Variants in SPECC1L observed in about 807,000 individuals in gnomAD.
SPECC1L encodes the protein cytospin-A.
SPECC1L carries 40 observed loss-of-function variants against 116.8 expected under a neutral mutation model. The observed-to-expected ratio is 0.34, with a 90% CI of 0.27 to 0.45. SPECC1L has a LOEUF of 0.45. Ranked by LOEUF, SPECC1L falls within the 20% of genes least tolerant of loss-of-function variation. The pLI, the probability that SPECC1L is intolerant of heterozygous loss-of-function variation, is 1.00. For synonymous variants in SPECC1L, 504 were observed against 500.6 expected, an observed-to-expected ratio of 1.01 and a Z score of -0.09; for missense variants, 1,110 against 1,373.6, an observed-to-expected ratio of 0.81 and a Z score of 3.03.
chr22:24,354,649 C>A (rs934939213), intron 11 of SPECC1L, among the ~76,000 whole-genome samples: 2 of 150,882 alleles, frequency 1.3e-5, no homozygotes, highest in African/African-American at 4.9e-5. Flanking sequence ...TCAACCATTT[C>A]TTTAAGGAGT....
At chr22:24,327,658 AAAC>A (rs2040857502) in intron 6 of SPECC1L, among the ~76,000 whole-genome samples, 1 of 152,170 alleles carries the variant, frequency 6.6e-6, no homozygotes, top group Non-Finnish European at 1.5e-5. Context: ...ATTAAAAAAA[AAAC>A]AAAAACCTAG....
intron 2 of SPECC1L, among the ~76,000 whole-genome samples, chr22:24,279,462 C>G (rs1392164441): frequency 6.6e-5 from 10 of 152,180 alleles, no homozygotes; most frequent in Non-Finnish European, 7.3e-5. Flanking sequence ...TTCCTGGGCT[C>G]AAGTGATCCC....
At chr22:24,307,795 T>C (rs1311117948) in intron 3 of SPECC1L, among the ~76,000 whole-genome samples, 1 of 151,786 alleles carries the variant, frequency 6.6e-6, no homozygotes, top group African/African-American at 2.4e-5. Flanking sequence ...TGCCTCACCC[T>C]CCCAAAGCCT....
chr22:24,354,924 A>G (rs962933762), intron 11 of SPECC1L, among the ~76,000 whole-genome samples: 1 of 147,400 alleles, frequency 6.8e-6, no homozygotes, highest in Non-Finnish European at 1.5e-5. Context: ...TGCTGGGATT[A>G]CAGGCATAAG....
chr22:24,280,783 T>G lies in SPECC1L; in HGVS notation c.-38+3980T>G, dbSNP rs538917317. Among the ~76,000 whole-genome samples the G allele has an allele frequency of 2.6e-5, 4 of 152,248 alleles. No individual in the cohort carries two copies. The East Asian group carries it at 7.7e-4, about 29-fold the overall frequency. On this transcript the variant is annotated intron_variant, in intron 2 of 16. Transcript: ENST00000314328. ...TTGTAGAGGCGGCGTTTCACCATGT[T>G]GGCCAGGCTGGTCTTGAACTCCTGA... is the stretch of plus-strand genomic sequence containing the variant.
intron 14 of SPECC1L, among the ~76,000 whole-genome samples, chr22:24,384,840 G>A (rs1304356159): frequency 6.6e-6 from 1 of 152,134 alleles, no homozygotes; most frequent in African/African-American, 2.4e-5. Context: ...ACTTTGGGAG[G>A]CCAAGGTGGG....
chr22:24,386,764 C>T lies in SPECC1L; in HGVS notation c.3087+17444C>T, dbSNP rs188916518. On this transcript the variant is annotated intron_variant, in intron 14 of 16. Coordinates refer to ENST00000314328, the MANE Select transcript of SPECC1L (RefSeq NM_015330.6). ...GACTACAGGCGCCCGCCACCACACC[C>T]GGCTAATTTTTTTTGTATTGTTAGT... 4.1e-3 allele frequency among the ~76,000 whole-genome samples: 619 copies of T among 152,088 alleles called. 7 individuals are homozygous for T. Among genetic ancestry groups the T allele is most frequent in the African/African-American group, 0.014 (575 of 41,464 alleles).
intron 11 of SPECC1L, 124 bp from the exon 12 acceptor site, chr22:24,363,136 TC>T (rs1390672541): frequency 2.4e-6 from 2 of 833,804 alleles, no homozygotes; most frequent in Non-Finnish European, 4.0e-6. Context: ...TTGTTGAAGT[TC>T]CCTGGATTGG....
At position 24,398,174 on chromosome 22, in the gene SPECC1L, C is replaced by T. The variant is rs1489146315; in HGVS notation, c.3088-13414C>T. ...GGGCCAAGGGAACACTCTTGTGTTT[C>T]ACACTTTTGTGTTGTAGAAGGTGGA... On this transcript the variant is annotated intron_variant, in intron 14 of 16. Coordinates refer to ENST00000314328, the MANE Select transcript of SPECC1L (RefSeq NM_015330.6). Among the ~76,000 whole-genome samples the T allele has an allele frequency of 2.6e-5, 4 of 152,222 alleles. No homozygotes were observed. The South Asian group carries it at 8.3e-4, about 31-fold the overall frequency.
intron 1 of SPECC1L, among the ~76,000 whole-genome samples, chr22:24,275,989 A>G (rs1368597526): frequency 1.3e-5 from 2 of 152,054 alleles, no homozygotes; most frequent in African/African-American, 2.4e-5. Context: ...TTGGGATTAC[A>G]GGTGTGACCC....
Position 24,365,500 on chromosome 22 carries a change from T to C in SPECC1L, c.2852T>C (p.Val951Ala). 1 of 1,614,130 alleles carries C rather than the reference T, an allele frequency of 6.2e-7. No individual in the cohort carries two copies. The highest frequency in any genetic ancestry group is 8.5e-7 in the Non-Finnish European group (1 of 1,180,022). Residue 951 changes from valine (V) to alanine (A), a missense_variant, in exon 13 of 17, where the codon GTG (valine) becomes GCG (alanine). Coordinates refer to ENST00000314328, the MANE Select transcript of SPECC1L (RefSeq NM_015330.6). Reference sequence around the variant, plus strand: ...GTGTCTCGACGAAGTAGTGAAGAAGTGAAACGGGACATTTCTGCACAGGAG... The same window carrying C: ...GTGTCTCGACGAAGTAGTGAAGAAGCGAAACGGGACATTTCTGCACAGGAG... Reference protein sequence around the residue: ...LSVSRRSSEEVKRDISAQEGA... With the variant: ...LSVSRRSSEEAKRDISAQEGA...
At chr22:24,338,544 C>A (rs570194890) in intron 10 of SPECC1L, 67 bp downstream of exon 10, 1 of 1,361,806 alleles carries the variant, frequency 7.3e-7, no homozygotes, top group Non-Finnish European at 1.1e-6. Context: ...CTTTTCTTCA[C>A]AGTCATTTAC....
chr22:24,324,156 A>G, intron 5 of SPECC1L, 64 bp from the exon 6 acceptor site: 9 of 1,396,942 alleles, frequency 6.4e-6, no homozygotes, highest in Non-Finnish European at 9.1e-6. Flanking sequence ...GTGTACCTCA[A>G]TTCTGGAACG....
At chr22:24,303,159 T>C (rs2049416162) in intron 3 of SPECC1L, among the ~76,000 whole-genome samples, 1 of 152,122 alleles carries the variant, frequency 6.6e-6, no homozygotes, top group African/African-American at 2.4e-5. Flanking sequence ...AGGGCCCTGA[T>C]AGATCATGGC....
At chr22:24,357,835 T>C (rs1332954054) in intron 11 of SPECC1L, among the ~76,000 whole-genome samples, 1 of 152,220 alleles carries the variant, frequency 6.6e-6, no homozygotes, top group Non-Finnish European at 1.5e-5. Context: ...TTGCATTTCA[T>C]CTCAGACAGA....
chr22:24,352,413 G>A (rs2041443968), intron 11 of SPECC1L, among the ~76,000 whole-genome samples: 1 of 152,110 alleles, frequency 6.6e-6, no homozygotes, highest in Non-Finnish European at 1.5e-5. Context: ...GCATATAGAT[G>A]TCTTAAGAAG....
intron 2 of SPECC1L, among the ~76,000 whole-genome samples, chr22:24,287,995 T>TG (rs2049075349): frequency 6.6e-6 from 1 of 152,054 alleles, no homozygotes; most frequent in Non-Finnish European, 1.5e-5. Context: ...TTCCGGGAGA[T>TG]CAGAGAGAGC....
At chr22:24,382,010 A>G (rs1192402730) in intron 14 of SPECC1L, among the ~76,000 whole-genome samples, 5 of 144,558 alleles carry the variant, frequency 3.5e-5, no homozygotes, top group African/African-American at 1.2e-4. Flanking sequence ...TTTATAGACT[A>G]GTCAGTAAAA....
At chr22:24,292,873 A>C (rs1190423360) in intron 2 of SPECC1L, among the ~76,000 whole-genome samples, 2 of 152,226 alleles carry the variant, frequency 1.3e-5, no homozygotes, top group Non-Finnish European at 2.9e-5. Context: ...TCAAAGTCAG[A>C]ATTTAAAAGT....
Sources: allele counts gnomAD v4.1 joint callset (sites outside exome capture counted in the v4.1 genomes callset), GRCh38; gene constraint gnomAD v4.1.1; transcripts MANE v1.5; gene names NCBI Gene and HGNC (gene_info 2026-07-23, HGNC 2026-07-21).